The following GPR137C variants were observed in gnomAD, a reference collection of about 807,000 sequenced individuals.
GPR137C encodes the protein integral membrane protein GPR137C.
A neutral mutation model predicts 43.4 loss-of-function variants in GPR137C; 27 were observed. The ratio of observed to expected loss-of-function variants is 0.62; its 90% CI spans 0.46 to 0.86. The LOEUF is 0.86. Ranked by LOEUF, GPR137C falls within the 40% of genes least tolerant of loss-of-function variation. The pLI, the probability that GPR137C is intolerant of heterozygous loss-of-function variation, is 0.00. For missense variants in GPR137C, 522 were observed against 534.6 expected (o/e 0.98, Z 0.23); for synonymous variants, 285 against 226.9 (o/e 1.26, Z -2.30).
chr14:52,627,080 T>C (rs1286084360), intron 3 of GPR137C, among the ~76,000 whole-genome samples: 1 of 152,122 alleles, frequency 6.6e-6, no homozygotes, highest in East Asian at 1.9e-4. Flanking sequence ...AATCATAATT[T>C]TACCATGCTT....
chr14:52,598,693 C>T (rs551085935), intron 2 of GPR137C, among the ~76,000 whole-genome samples: 29 of 152,262 alleles, frequency 1.9e-4, no homozygotes, highest in Admixed American at 4.6e-4. Context: ...TGATCAATCT[C>T]AATAGCGAGA....
intron 1 of GPR137C, chr14:52,596,913 C>T (rs1249186889): frequency 2.2e-6 from 1 of 453,996 alleles, no homozygotes; most frequent in Non-Finnish European, 4.4e-6. Flanking sequence ...GTCAACCTTG[C>T]TAGGTGCTGC....
At chr14:52,609,568 A>T (rs1358549009) in intron 3 of GPR137C, among the ~76,000 whole-genome samples, 1 of 152,158 alleles carries the variant, frequency 6.6e-6, no homozygotes, top group African/African-American at 2.4e-5. Context: ...CCTTCCAGGG[A>T]TTCTAAACAG....
At chr14:52,590,519 C>G (rs1427459778) in intron 1 of GPR137C, among the ~76,000 whole-genome samples, 1 of 152,230 alleles carries the variant, frequency 6.6e-6, no homozygotes, top group East Asian at 1.9e-4. Flanking sequence ...CACTAACTCA[C>G]TGACTCACCC....
intron 1 of GPR137C, among the ~76,000 whole-genome samples, chr14:52,573,495 G>A (rs1025663385): frequency 1.3e-4 from 20 of 152,156 alleles, no homozygotes; most frequent in African/African-American, 4.8e-4. Context: ...TTTAATAAAT[G>A]GTGTTGGGAA....
intron 1 of GPR137C, among the ~76,000 whole-genome samples, chr14:52,570,482 A>G (rs1594783563): frequency 6.6e-6 from 1 of 152,230 alleles, no homozygotes; most frequent in East Asian, 1.9e-4. Flanking sequence ...ACAGGATCAC[A>G]TTCACACATA....
chr14:52,578,121 A>C lies in GPR137C; in HGVS notation c.445-20151A>C, dbSNP rs548026695. Among the ~76,000 whole-genome samples, 6 of 152,228 alleles carry C rather than the reference A, an allele frequency of 3.9e-5. No individual in the cohort carries two copies. In the East Asian group the frequency reaches 1.2e-3, roughly 29 times the overall value. On this transcript the variant is annotated intron_variant, in intron 1 of 6. Coordinates refer to ENST00000321662, the MANE Select transcript of GPR137C (RefSeq NM_001099652.2). ...AAATAATAGGTTATTCTTTGATTCC[A>C]GTGTTCTGAAATTTCATAGTGATGT...
At position 52,636,926 on chromosome 14, in the gene GPR137C, TG is replaced by T. The variant is rs2039359834; in HGVS notation, c.*1812del. On this transcript the variant is annotated 3_prime_UTR_variant, in exon 7 of 7. Transcript: ENST00000321662. Reference sequence around the variant, plus strand: ...TGCTAACTGTTTATTTTGCTAATAATGTTAGGCATCTAATCATCTAGAGCTG... The same window carrying T: ...TGCTAACTGTTTATTTTGCTAATAATTTAGGCATCTAATCATCTAGAGCTG... 1 of 152,178 alleles carries T rather than the reference TG, an allele frequency of 6.6e-6. No individual in the cohort carries two copies. The highest frequency in any genetic ancestry group is 1.5e-5 in the Non-Finnish European group (1 of 68,004). The allele number at this position is 152,178 out of a possible 1,614,324, so 9.4% of individuals were successfully genotyped here. A position where few individuals can be genotyped will look rare whatever the true frequency, so the allele number is the denominator to read the frequency against.
At chr14:52,557,437 C>G (rs1310736356) in intron 1 of GPR137C, among the ~76,000 whole-genome samples, 1 of 152,108 alleles carries the variant, frequency 6.6e-6, no homozygotes, top group Non-Finnish European at 1.5e-5. Flanking sequence ...AATTTAGTTT[C>G]AACAAATTCT....
Position 52,636,674 on chromosome 14 carries a change from G to A in GPR137C, c.*1559G>A, listed in dbSNP as rs1014479210. 1.3e-5 allele frequency: 2 copies of A among 152,004 alleles called. No individual in the cohort carries two copies. Among genetic ancestry groups the A allele is most frequent in the Admixed American group, 6.6e-5 (1 of 15,252 alleles). 9.4% of individuals were successfully genotyped at this position (152,004 alleles called of 1,614,324 possible). On this transcript the variant is annotated 3_prime_UTR_variant, in exon 7 of 7. Coordinates refer to ENST00000321662, the MANE Select transcript of GPR137C (RefSeq NM_001099652.2). ...AAAAATTGAAATTGTTAATGCTTTC[G>A]ATCTTTTGGGAGGCCAGTACACAGA...
chr14:52,635,316 A>G lies in GPR137C; in HGVS notation c.*201A>G, dbSNP rs543904038. ...TGAAGTAAAATGGAAAGTTTGGAGT[A>G]GGAGAAAAGAGAGATTAGATCTTAA... On this transcript the variant is annotated 3_prime_UTR_variant, in exon 7 of 7. Transcript: ENST00000321662. The G allele has an allele frequency of 2.5e-5, 11 of 432,600 alleles. No individual in the cohort carries two copies. The Admixed American group carries it at 2.7e-4, about 11-fold the overall frequency. The allele number at this position is 432,600 out of a possible 1,614,324, so 26.8% of individuals were successfully genotyped here. A position where few individuals can be genotyped will look rare whatever the true frequency, so the allele number is the denominator to read the frequency against.
At chr14:52,575,871 A>G (rs1448476858) in intron 1 of GPR137C, among the ~76,000 whole-genome samples, 1 of 152,214 alleles carries the variant, frequency 6.6e-6, no homozygotes, top group Non-Finnish European at 1.5e-5. Flanking sequence ...GGTTTCTCTT[A>G]GTCCAGGAGA....
intron 3 of GPR137C, among the ~76,000 whole-genome samples, chr14:52,623,631 T>C (rs2039185738): frequency 6.6e-6 from 1 of 152,182 alleles, no homozygotes; most frequent in African/African-American, 2.4e-5. Context: ...CACAATAAGG[T>C]AAATTATTAA....
intron 1 of GPR137C, among the ~76,000 whole-genome samples, chr14:52,563,340 A>G (rs2038314762): frequency 6.6e-6 from 1 of 151,136 alleles, no homozygotes; most frequent in Admixed American, 6.6e-5. Context: ...CAGATGACTC[A>G]CACTTATCTC....
In GPR137C at chr14:52,635,445, T is replaced by G. The variant is rs571469298; in HGVS notation, c.*330T>G. 4.7e-6 allele frequency: 1 copy of G among 212,392 alleles called. No homozygotes were observed. Among genetic ancestry groups the G allele is most frequent in the African/African-American group, 2.4e-5 (1 of 42,522 alleles). The allele number at this position is 212,392 out of a possible 1,614,324, so 13.2% of individuals were successfully genotyped here. A position where few individuals can be genotyped will look rare whatever the true frequency, so the allele number is the denominator to read the frequency against. ...TGCAGTCCCCAAAGTCATATGCCAA[T>G]GTTCACACTGAAATACTGTATTGTA... On this transcript the variant is annotated 3_prime_UTR_variant, in exon 7 of 7. Coordinates refer to ENST00000321662, the MANE Select transcript of GPR137C (RefSeq NM_001099652.2).
Sources: allele counts gnomAD v4.1 joint callset (sites outside exome capture counted in the v4.1 genomes callset), GRCh38; gene constraint gnomAD v4.1.1; transcripts MANE v1.5; gene names NCBI Gene and HGNC (gene_info 2026-07-23, HGNC 2026-07-21).